SLCO6A1: variants seen among roughly 807,000 people sequenced by gnomAD.
The protein encoded by SLCO6A1 is solute carrier organic anion transporter family member 6A1.
Under a neutral mutation model 72.7 loss-of-function variants are expected in SLCO6A1, and 65 were observed. The observed-to-expected ratio is 0.89, with a 90% CI of 0.73 to 1.10. The LOEUF (loss-of-function observed/expected upper bound fraction) is 1.10. Ranked by LOEUF, SLCO6A1 falls within the 50% of genes least tolerant of loss-of-function variation. The pLI, the probability that SLCO6A1 is intolerant of heterozygous loss-of-function variation, is 0.00. For missense variants in SLCO6A1, 874 were observed against 872.6 expected (o/e 1.00, Z -0.02); for synonymous variants, 314 against 298.2 (o/e 1.05, Z -0.55).
At chr5:102,438,859 C>G in intron 6 of SLCO6A1, 98 bp from the exon 7 acceptor site, 2 of 771,742 alleles carry the variant, frequency 2.6e-6, no homozygotes, top group Non-Finnish European at 3.8e-6. Flanking sequence ...AAAAATTTAC[C>G]ATTCCCAATC....
At position 102,419,884 on chromosome 5, in the gene SLCO6A1, T is replaced by C. The variant is rs531461650; in HGVS notation, c.1414A>G (p.Ile472Val). ...ACTGGATTACAGCGTACAAAAATAA[T>C]AAACACAAGCAGTATAAGTGATATC... ...SVISLILLVF[I>V]IFVRCNPVQF... is the part of the protein sequence containing the mutation. The change falls in exon 8 of 14, where the codon ATT becomes GTT. Residue 472 changes from isoleucine (I) to valine (V), a missense_variant. Ile to Val is a conservative substitution (Grantham distance 29). Transcript: ENST00000506729. 6.8e-6 allele frequency: 11 copies of C among 1,606,868 alleles called. No individual in the cohort carries two copies. The highest frequency in any genetic ancestry group is 1.7e-5 in the Admixed American group (1 of 58,156).
At chr5:102,373,100 A>G (rs1366489898) in intron 13 of SLCO6A1, among the ~76,000 whole-genome samples, 1 of 151,882 alleles carries the variant, frequency 6.6e-6, no homozygotes, top group African/African-American at 2.4e-5. Context: ...GTATTTTCCT[A>G]TTTTCACTCA....
At chr5:102,440,259 C>T (rs1017771975) in intron 6 of SLCO6A1, among the ~76,000 whole-genome samples, 1 of 152,120 alleles carries the variant, frequency 6.6e-6, no homozygotes, top group African/African-American at 2.4e-5. Context: ...GAGGCCAGTC[C>T]ATTGCCTGTT....
At chr5:102,470,101 T>C (rs1031566200) in intron 4 of SLCO6A1, among the ~76,000 whole-genome samples, 3 of 152,286 alleles carry the variant, frequency 2.0e-5, no homozygotes, top group South Asian at 2.1e-4. Flanking sequence ...TCATCAGGGA[T>C]ATTGGCCTAA....
chr5:102,377,069 C>G (rs889755514), intron 12 of SLCO6A1, among the ~76,000 whole-genome samples: 10 of 152,048 alleles, frequency 6.6e-5, no homozygotes, highest in African/African-American at 2.2e-4. Flanking sequence ...GAGACTGAGG[C>G]AGGAGGATTA....
At chr5:102,398,271 G>A (rs1747209566) in intron 10 of SLCO6A1, among the ~76,000 whole-genome samples, 1 of 151,876 alleles carries the variant, frequency 6.6e-6, no homozygotes, top group South Asian at 2.1e-4. Context: ...CCTCCGCCCC[G>A]AGTTCAAGCG....
intron 1 of SLCO6A1, among the ~76,000 whole-genome samples, chr5:102,491,463 TG>T (rs1009835481): frequency 6.6e-6 from 1 of 152,160 alleles, no homozygotes; most frequent in African/African-American, 2.4e-5. Context: ...TGGGGAGGCT[TG>T]GGCCACACAT....
intron 2 of SLCO6A1, 43 bp downstream of exon 2, chr5:102,480,134 T>C (rs1472875481): frequency 1.3e-6 from 2 of 1,516,850 alleles, no homozygotes; most frequent in Non-Finnish European, 1.8e-6. Flanking sequence ...AAGGTTTGAA[T>C]GAATATTGAT....
intron 6 of SLCO6A1, among the ~76,000 whole-genome samples, chr5:102,441,463 C>A (rs577142912): frequency 1.8e-4 from 28 of 152,118 alleles, no homozygotes; most frequent in Non-Finnish European, 3.7e-4. Context: ...ACTGTTTTTA[C>A]TACAGTGGTT....
intron 9 of SLCO6A1, among the ~76,000 whole-genome samples, chr5:102,412,480 G>A (rs1748039853): frequency 6.6e-6 from 1 of 152,046 alleles, no homozygotes; most frequent in Admixed American, 6.6e-5. Flanking sequence ...TTTTTGCCAG[G>A]CACGGTGACT....
intron 12 of SLCO6A1, among the ~76,000 whole-genome samples, chr5:102,384,492 C>T (rs116449128): frequency 0.018 from 2,729 of 151,884 alleles, 77 homozygotes; most frequent in African/African-American, 0.062. Context: ...ATCCTTTTAA[C>T]TTTTTTATAT....
chr5:102,442,887 C>A (rs1749917630), intron 6 of SLCO6A1, among the ~76,000 whole-genome samples: 1 of 96,226 alleles, frequency 1.0e-5, no homozygotes, highest in Admixed American at 1.0e-4. Context: ...CATGGTGAAA[C>A]CCCGTCTCTA....
chr5:102,498,454 C>T (rs1753009485), intron 1 of SLCO6A1, 33 bp downstream of exon 1: 1 of 1,586,526 alleles, frequency 6.3e-7, no homozygotes, highest in African/African-American at 1.3e-5. Context: ...CCCAGCTGCC[C>T]TCGCCACAAC....
intron 4 of SLCO6A1, among the ~76,000 whole-genome samples, chr5:102,473,794 G>C (rs1221510322): frequency 6.6e-6 from 1 of 151,922 alleles, no homozygotes; most frequent in Non-Finnish European, 1.5e-5. Flanking sequence ...AAAGTTGCAG[G>C]ATGCAATATC....
intron 9 of SLCO6A1, among the ~76,000 whole-genome samples, chr5:102,402,030 A>G (rs993274454): frequency 6.6e-6 from 1 of 152,178 alleles, no homozygotes; most frequent in Non-Finnish European, 1.5e-5. Flanking sequence ...GAATCAGAAG[A>G]CATTGGGCTC....
intron 7 of SLCO6A1, among the ~76,000 whole-genome samples, chr5:102,427,434 TTAC>T: frequency 6.6e-6 from 1 of 152,126 alleles, no homozygotes; most frequent in South Asian, 2.1e-4. Flanking sequence ...AAATGATACT[TTAC>T]CTCTGGGTCT....
chr5:102,491,483 G>A (rs1057388710), intron 1 of SLCO6A1, among the ~76,000 whole-genome samples: 10 of 152,334 alleles, frequency 6.6e-5, no homozygotes, highest in African/African-American at 9.6e-5. Context: ...ATGAGCCCAC[G>A]GAGGTGGGGG....
chr5:102,438,627 A>C lies in SLCO6A1; in HGVS notation c.1266T>G (p.Thr422=), dbSNP rs1580428351. Residue 422 remains threonine (T), a synonymous_variant, in exon 7 of 14, where the codon ACT becomes ACG. Coordinates refer to ENST00000506729, the MANE Select transcript of SLCO6A1 (RefSeq NM_173488.5). ...AGAAGGTAAATCTACCTGCAAGTGT[A>C]GTTGCCACAGTGGGTGTTAATATAA... ...NQFILTPTVA[T]TLAGLVLIPG... The C allele has an allele frequency of 6.3e-7, 1 of 1,591,320 alleles. No homozygotes were observed. The highest frequency in any genetic ancestry group is 8.5e-7 in the Non-Finnish European group (1 of 1,172,886).
At chr5:102,480,789 A>T (rs1017320851) in intron 1 of SLCO6A1, among the ~76,000 whole-genome samples, 20 of 152,168 alleles carry the variant, frequency 1.3e-4, no homozygotes, top group Non-Finnish European at 2.9e-4. Context: ...TTTATCTACC[A>T]TATAGAATAG....
Sources: allele counts gnomAD v4.1 joint callset (sites outside exome capture counted in the v4.1 genomes callset), GRCh38; gene constraint gnomAD v4.1.1; transcripts MANE v1.5; gene names NCBI Gene and HGNC (gene_info 2026-07-23, HGNC 2026-07-21).